The following DCLK1 variants were observed in gnomAD, a reference collection of about 807,000 sequenced individuals.
DCLK1 encodes doublecortin like kinase 1, also known as serine/threonine-protein kinase DCLK1.
Under a neutral mutation model 86.2 loss-of-function variants are expected in DCLK1, and 16 were observed. The ratio of observed to expected loss-of-function variants is 0.19; its 90% CI spans 0.13 to 0.28. DCLK1 has a LOEUF of 0.28. Ranked by LOEUF, DCLK1 falls within the 10% of genes least tolerant of loss-of-function variation. The probability of loss-of-function intolerance (pLI) is 1.00; values close to 1 mark genes in which losing one functional copy is unlikely to be tolerated. For synonymous variants in DCLK1, 369 were observed against 370.5 expected (o/e 1.00, Z 0.05); for missense variants, 590 against 940.2 (o/e 0.63, Z 4.87).
intron 8 of DCLK1, among the ~76,000 whole-genome samples, chr13:35,831,622 C>G (rs7334439): frequency 0.013 from 2,045 of 152,146 alleles, 42 homozygotes; most frequent in African/African-American, 0.046. Context: ...CAGAAGAATA[C>G]TAGATGACCT....
At chr13:36,004,566 C>T (rs1170992) in intron 3 of DCLK1, among the ~76,000 whole-genome samples, 128,627 of 152,182 alleles carry the variant, frequency 0.85, 54,437 homozygotes, top group East Asian at 0.97. Flanking sequence ...AAATTGCTCA[C>T]AAGTTTTTTG....
At chr13:36,030,469 T>C (rs1470010143) in intron 3 of DCLK1, among the ~76,000 whole-genome samples, 7 of 149,336 alleles carry the variant, frequency 4.7e-5, no homozygotes, top group Non-Finnish European at 1.0e-4. Flanking sequence ...GCTAATTTTT[T>C]TTTTTTTTTT....
At chr13:35,895,393 T>C (rs909508194) in intron 4 of DCLK1, among the ~76,000 whole-genome samples, 9 of 152,204 alleles carry the variant, frequency 5.9e-5, no homozygotes, top group Non-Finnish European at 1.0e-4. Context: ...AACAATTGAA[T>C]ACCAGTAGCT....
intron 3 of DCLK1, among the ~76,000 whole-genome samples, chr13:36,090,394 G>A (rs1037957061): frequency 1.3e-5 from 2 of 152,128 alleles, no homozygotes; most frequent in African/African-American, 4.8e-5. Context: ...AGACAGAATG[G>A]GATGGCACAG....
intron 16 of DCLK1, among the ~76,000 whole-genome samples, chr13:35,778,901 C>T (rs1255953367): frequency 6.6e-6 from 1 of 152,198 alleles, no homozygotes; most frequent in African/African-American, 2.4e-5. Flanking sequence ...AAAAACAGTC[C>T]AAACTGATGT....
At chr13:36,075,282 T>C (rs1390780220) in intron 3 of DCLK1, among the ~76,000 whole-genome samples, 1 of 152,250 alleles carries the variant, frequency 6.6e-6, no homozygotes, top group Non-Finnish European at 1.5e-5. Context: ...CAAGTAGATA[T>C]ATTTGCCAGG....
At chr13:36,028,474 C>G (rs931750274) in intron 3 of DCLK1, among the ~76,000 whole-genome samples, 3 of 152,206 alleles carry the variant, frequency 2.0e-5, no homozygotes, top group East Asian at 3.9e-4. Flanking sequence ...CCTGGTCACC[C>G]TGTTCCATAC....
intron 6 of DCLK1, chr13:35,846,371 T>C (rs984576067): frequency 2.0e-6 from 2 of 985,276 alleles, no homozygotes; most frequent in Admixed American, 6.1e-5. Context: ...CATACTTCTT[T>C]GCCTATAACT....
At chr13:36,008,670 G>T (rs1881138249) in intron 3 of DCLK1, among the ~76,000 whole-genome samples, 2 of 146,012 alleles carry the variant, frequency 1.4e-5, no homozygotes, top group African/African-American at 5.1e-5. Context: ...TGTGAATAAT[G>T]CCGCAATAAA....
intron 3 of DCLK1, among the ~76,000 whole-genome samples, chr13:36,001,009 C>T (rs150192392): frequency 1.3e-5 from 2 of 150,582 alleles, no homozygotes; most frequent in Non-Finnish European, 2.9e-5. Flanking sequence ...GGTGTAATGA[C>T]GTGGTCTCAA....
Position 35,817,602 on chromosome 13 carries a change from G to A in DCLK1, c.1554+5127C>T, listed in dbSNP as rs574870055. On this transcript the variant is annotated intron_variant, in intron 11 of 16. Coordinates refer to ENST00000360631, the MANE Select transcript of DCLK1 (RefSeq NM_001330071.2). ...AGAAAGTTATCCCGTCCTCCATGTG[G>A]CAGCCTTTCCTATATTTGATGAGAA... 9.5e-4 allele frequency among the ~76,000 whole-genome samples: 144 copies of A among 152,144 alleles called. 1 individual carries two copies. Among genetic ancestry groups the A allele is most frequent in the Non-Finnish European group, 3.2e-4 (22 of 68,004 alleles).
At chr13:36,029,190 A>G (rs1254914729) in intron 3 of DCLK1, among the ~76,000 whole-genome samples, 3 of 152,124 alleles carry the variant, frequency 2.0e-5, no homozygotes, top group Admixed American at 2.0e-4. Context: ...GGTAACAGTG[A>G]CACCTACTCT....
intron 3 of DCLK1, among the ~76,000 whole-genome samples, chr13:36,098,325 G>A (rs551600226): frequency 2.0e-5 from 3 of 152,190 alleles, no homozygotes; most frequent in Admixed American, 2.0e-4. Context: ...TACACAAGGT[G>A]TTATCACTCA....
chr13:35,902,914 T>G (rs1456498116), intron 4 of DCLK1, among the ~76,000 whole-genome samples: 1 of 152,140 alleles, frequency 6.6e-6, no homozygotes, highest in African/African-American at 2.4e-5. Context: ...GGAATCTTTT[T>G]GCAAAGCAAG....
intron 4 of DCLK1, among the ~76,000 whole-genome samples, chr13:35,935,449 A>G (rs1876703349): frequency 6.6e-6 from 1 of 152,094 alleles, no homozygotes; most frequent in Non-Finnish European, 1.5e-5. Flanking sequence ...ATTGGAAAGG[A>G]GGGGGACAGA....
At chr13:36,092,983 T>G (rs1235302342) in intron 3 of DCLK1, among the ~76,000 whole-genome samples, 1 of 151,112 alleles carries the variant, frequency 6.6e-6, no homozygotes, top group South Asian at 2.1e-4. Flanking sequence ...AAGAAAAAAA[T>G]GGCTTTGGAG....
chr13:36,020,343 G>A (rs1881722450), intron 3 of DCLK1, among the ~76,000 whole-genome samples: 1 of 152,104 alleles, frequency 6.6e-6, no homozygotes, highest in Non-Finnish European at 1.5e-5. Flanking sequence ...ATATGATAAA[G>A]AAGCACTTCT....
chr13:35,857,758 G>T (rs1871151895), intron 5 of DCLK1, among the ~76,000 whole-genome samples: 1 of 152,246 alleles, frequency 6.6e-6, no homozygotes, highest in South Asian at 2.1e-4. Flanking sequence ...GGATACAGAA[G>T]TTAGCCTGGT....
intron 3 of DCLK1, among the ~76,000 whole-genome samples, chr13:35,972,422 T>C (rs1386945097): frequency 3.9e-5 from 6 of 152,118 alleles, no homozygotes; most frequent in African/African-American, 9.7e-5. Flanking sequence ...GAAAGAGACA[T>C]ACAAACAGAG....
Sources: gnomAD v4.1 joint callset for allele counts (sites outside exome capture counted in the v4.1 genomes callset) on GRCh38, gnomAD v4.1.1 for gene constraint, MANE v1.5 for transcripts, NCBI Gene and HGNC (gene_info 2026-07-23, HGNC 2026-07-21) for gene names.